PCDHGB1: variants seen among roughly 807,000 people sequenced by gnomAD.
The protein encoded by PCDHGB1 is protocadherin gamma subfamily B, 1.
A neutral mutation model predicts 56.6 loss-of-function variants in PCDHGB1; 34 were observed. The ratio of observed to expected loss-of-function variants is 0.60; its 90% CI spans 0.46 to 0.80. The LOEUF is 0.80. Among genes scored for constraint, PCDHGB1 ranks in the 30% least tolerant of loss-of-function variants. The pLI is 0.00. For missense variants in PCDHGB1, 1,278 were observed against 1,204.6 expected (o/e 1.06, Z -0.90); for synonymous variants, 561 against 505.9 (o/e 1.11, Z -1.46).
chr5:141,506,109 A>G (rs1027886504), intron 3 of PCDHGB1, among the ~76,000 whole-genome samples: 5 of 152,126 alleles, frequency 3.3e-5, no homozygotes, highest in Middle Eastern at 3.2e-3. Flanking sequence ...GTCCCTGAAG[A>G]GTCACTAGGG....
At position 141,351,930 on chromosome 5, in the gene PCDHGB1, G is replaced by A; in HGVS notation, c.1670G>A (p.Arg557Gln). Residue 557 changes from arginine (R) to glutamine (Q), a missense_variant, in exon 1 of 4, where the codon CGG (arginine) becomes CAG (glutamine). Physicochemically the swap from Arg to Gln is conservative, Grantham distance 43 (BLOSUM62 1). Transcript: ENST00000523390. Reference protein sequence around the residue: ...LVGDLNDNAPRVLYPALGPDG... With the variant: ...LVGDLNDNAPQVLYPALGPDG... ...GGCGACCTCAATGACAATGCGCCAC[G>A]GGTGCTGTACCCCGCGCTGGGGCCT... is the stretch of plus-strand genomic sequence containing the variant. 8.7e-6 allele frequency: 14 copies of A among 1,613,296 alleles called. No homozygotes were observed. Among genetic ancestry groups the A allele is most frequent in the Non-Finnish European group, 1.1e-5 (13 of 1,179,762 alleles).
At chr5:141,408,055 C>CCGG in intron 1 of PCDHGB1, 1 of 1,299,130 alleles carries the variant, frequency 7.7e-7, no homozygotes, top group South Asian at 1.6e-5. Flanking sequence ...ACAGAGCCTC[C>CCGG]CGGCTGCGCA....
intron 2 of PCDHGB1, among the ~76,000 whole-genome samples, chr5:141,496,189 G>T (rs1362938002): frequency 1.3e-5 from 2 of 152,004 alleles, no homozygotes; most frequent in African/African-American, 4.8e-5. Context: ...AGCCCCAGCT[G>T]CTCATTTCAA....
chr5:141,505,143 C>G lies in PCDHGB1; in HGVS notation c.2469-250C>G, dbSNP rs578261428. ...CGCCACTGCACTCCAGCCTGGATGA[C>G]AGAGTAAGACCCTGTCTAAAACAAA... On this transcript the variant is annotated intron_variant, in intron 2 of 3. Coordinates refer to ENST00000523390, the MANE Select transcript of PCDHGB1 (RefSeq NM_018922.3). Among the ~76,000 whole-genome samples the G allele has an allele frequency of 3.3e-5, 5 of 152,290 alleles. No homozygotes were observed. The East Asian group carries it at 7.7e-4, about 24-fold the overall frequency.
At chr5:141,409,869 A>G (rs2095329006) in intron 1 of PCDHGB1, 2 of 1,612,632 alleles carry the variant, frequency 1.2e-6, no homozygotes, top group African/African-American at 1.3e-5. Context: ...GGAGACCGCA[A>G]TGACAACGCA....
chr5:141,384,366 T>A (rs573164893), intron 1 of PCDHGB1: 1 of 1,613,896 alleles, frequency 6.2e-7, no homozygotes, highest in Non-Finnish European at 8.5e-7. Context: ...AGATCACTTA[T>A]TCCTTGGCCG....
At chr5:141,357,490 C>A in intron 1 of PCDHGB1, 4 of 1,614,218 alleles carry the variant, frequency 2.5e-6, no homozygotes, top group South Asian at 1.1e-5. Flanking sequence ...CGCGGACTCG[C>A]GGAAGAGTCA....
chr5:141,463,874 G>T (rs1311566242), intron 1 of PCDHGB1, among the ~76,000 whole-genome samples: 1 of 152,136 alleles, frequency 6.6e-6, no homozygotes, highest in Non-Finnish European at 1.5e-5. Flanking sequence ...TGACTGAAAG[G>T]AAAAGTTTTC....
chr5:141,505,343 G>C (rs2099845454), intron 2 of PCDHGB1, 50 bp from the exon 3 acceptor site: 1 of 1,612,934 alleles, frequency 6.2e-7, no homozygotes, highest in Non-Finnish European at 8.5e-7. Context: ...GGAGGGGCAT[G>C]AGCTGTGCCG....
Position 141,485,428 on chromosome 5 carries a change from C to T in PCDHGB1, c.2410-9379C>T, listed in dbSNP as rs2099613200. Reference sequence around the variant, plus strand: ...TGGATTTGGACAGCGGAGCCCTGCTCATCAAGAACCCAATCGACCGAGAGG... The same window carrying T: ...TGGATTTGGACAGCGGAGCCCTGCTTATCAAGAACCCAATCGACCGAGAGG... On this transcript the variant is annotated intron_variant, in intron 1 of 3. Transcript: ENST00000523390. The surrounding 1 kb of genome is among the most constrained non-coding windows in gnomAD (Gnocchi z 5.7). The T allele has an allele frequency of 2.5e-6, 4 of 1,614,160 alleles. No homozygotes were observed. The highest frequency in any genetic ancestry group is 3.4e-6 in the Non-Finnish European group (4 of 1,180,022).
At position 141,351,169 on chromosome 5, in the gene PCDHGB1, G is replaced by A. The variant is rs377610977; in HGVS notation, c.909G>A (p.Leu303=). Residue 303 remains leucine, a synonymous_variant, in exon 1 of 4, where the codon TTG becomes TTA. Coordinates refer to ENST00000523390, the MANE Select transcript of PCDHGB1 (RefSeq NM_018922.3). ...NTGDITTNGT[L]DFEETSRYVL... ...GCGACATCACAACCAATGGCACATT[G>A]GATTTTGAAGAGACAAGTAGATATG... The A allele has an allele frequency of 1.5e-5, 24 of 1,613,902 alleles. No homozygotes were observed. Among genetic ancestry groups the A allele is most frequent in the South Asian group, 2.2e-5 (2 of 91,082 alleles).
In PCDHGB1 at chr5:141,432,476, A is replaced by C; in HGVS notation, c.2410-62331A>C. 6.2e-7 allele frequency: 1 copy of C among 1,614,080 alleles called. No homozygotes were observed. The highest frequency in any genetic ancestry group is 8.5e-7 in the Non-Finnish European group (1 of 1,180,012). Reference sequence around the variant, plus strand: ...CCCCGCCCTCCCCACGGACGGTTCCACTGGCGTGGAGCTGGCTCCCCGCTC... The same window carrying C: ...CCCCGCCCTCCCCACGGACGGTTCCCCTGGCGTGGAGCTGGCTCCCCGCTC... On this transcript the variant is annotated intron_variant, in intron 1 of 3. Transcript: ENST00000523390. The surrounding 1 kb of genome is among the most constrained non-coding windows in gnomAD (Gnocchi z 6.0).
chr5:141,485,768 C>G lies in PCDHGB1; in HGVS notation c.2410-9039C>G. ...GGTCCCAGAGCTGCTCCTGGAGAAG[C>G]CTTTGGATCGAGAGAAGCAATCGGA... On this transcript the variant is annotated intron_variant, in intron 1 of 3. Coordinates refer to ENST00000523390, the MANE Select transcript of PCDHGB1 (RefSeq NM_018922.3). The surrounding 1 kb of genome is among the most constrained non-coding windows in gnomAD (Gnocchi z 5.7). 5 of 1,614,192 alleles carry G rather than the reference C, an allele frequency of 3.1e-6. No homozygotes were observed. The South Asian group carries it at 3.3e-5, about 11-fold the overall frequency.
chr5:141,427,377 A>C, intron 1 of PCDHGB1: 1 of 458,500 alleles, frequency 2.2e-6, no homozygotes, highest in Non-Finnish European at 4.4e-6. Flanking sequence ...GACGGTGATC[A>C]CTCTGTTCAA....
intron 1 of PCDHGB1, chr5:141,415,641 TAAA>T: frequency 7.8e-7 from 1 of 1,280,840 alleles, no homozygotes; most frequent in African/African-American, 1.5e-5. Context: ...TTACTTTTGT[TAAA>T]AAAAAAAAGA....
At chr5:141,500,190 TTA>T (rs551092091) in intron 2 of PCDHGB1, among the ~76,000 whole-genome samples, 3 of 110,960 alleles carry the variant, frequency 2.7e-5, no homozygotes, top group Non-Finnish European at 3.9e-5. Context: ...TTATTTTTAT[TTA>T]TTTATTTATT....
chr5:141,399,940 C>T lies in PCDHGB1; in HGVS notation c.2409+47271C>T, dbSNP rs374856105. On this transcript the variant is annotated intron_variant, in intron 1 of 3. Transcript: ENST00000523390. Reference sequence around the variant, plus strand: ...CAACGCCTGGCTGTCCTACCACGTGCTGCAGGCTAGCGAGCCCGGGCTCTT... The same window carrying T: ...CAACGCCTGGCTGTCCTACCACGTGTTGCAGGCTAGCGAGCCCGGGCTCTT... 4.8e-4 allele frequency: 772 copies of T among 1,612,360 alleles called. 1 individual carries two copies. In the African/African-American group the frequency reaches 9.6e-3, roughly 20 times the overall value.
intron 1 of PCDHGB1, chr5:141,361,017 A>C (rs767981942): frequency 3.1e-6 from 5 of 1,613,324 alleles, no homozygotes; most frequent in Admixed American, 1.7e-5. Flanking sequence ...TTTTCAACTT[A>C]AATGAAAAAA....
At position 141,364,301 on chromosome 5, in the gene PCDHGB1, A is replaced by G. The variant is rs377380787; in HGVS notation, c.2409+11632A>G. ...TAAGGAAACAGCAGGCTGAACCAGAACTAAGAGAAAATTGGGCAGAGAGAA... is the reference window on the plus strand; with the variant it reads ...TAAGGAAACAGCAGGCTGAACCAGAGCTAAGAGAAAATTGGGCAGAGAGAA... On this transcript the variant is annotated intron_variant, in intron 1 of 3. Coordinates refer to ENST00000523390, the MANE Select transcript of PCDHGB1 (RefSeq NM_018922.3). 5 of 1,521,982 alleles carry G rather than the reference A, an allele frequency of 3.3e-6. No homozygotes were observed. In the African/African-American group the frequency reaches 5.6e-5, roughly 17 times the overall value. The allele number at this position is 1,521,982 out of a possible 1,614,324, so 94.3% of individuals were successfully genotyped here. A position where few individuals can be genotyped will look rare whatever the true frequency, so the allele number is the denominator to read the frequency against.
Sources: gnomAD v4.1 joint callset for allele counts (sites outside exome capture counted in the v4.1 genomes callset) on GRCh38, gnomAD v4.1.1 for gene constraint, Gnocchi (gnomAD v3.1) non-coding constraint, MANE v1.5 for transcripts, NCBI Gene and HGNC (gene_info 2026-07-23, HGNC 2026-07-21) for gene names.